HECW2: variants seen among roughly 807,000 people sequenced by gnomAD.
The protein encoded by HECW2 is E3 ubiquitin-protein ligase HECW2.
A neutral mutation model predicts 175.2 loss-of-function variants in HECW2; 61 were observed. The observed-to-expected ratio is 0.35, with a 90% confidence interval of 0.28 to 0.43. HECW2 has a LOEUF of 0.43. Among genes scored for constraint, HECW2 ranks in the 20% least tolerant of loss-of-function variants. The pLI, the probability that HECW2 is intolerant of heterozygous loss-of-function variation, is 1.00. For missense variants in HECW2, 1,524 were observed against 2,000.5 expected, an observed-to-expected ratio of 0.76 and a Z score of 4.54; for synonymous variants, 671 against 731.0, an observed-to-expected ratio of 0.92 and a Z score of 1.32.
chr2:196,423,976 T>A (rs1172622942), intron 2 of HECW2, among the ~76,000 whole-genome samples: 1 of 152,088 alleles, frequency 6.6e-6, no homozygotes, highest in Non-Finnish European at 1.5e-5. Context: ...ATAATGTGTT[T>A]TTTTTACAAA....
chr2:196,553,691 C>T lies in HECW2; in HGVS notation c.-36+39817G>A, dbSNP rs190366951. Among the ~76,000 whole-genome samples the T allele has an allele frequency of 1.5e-4, 23 of 152,280 alleles. No individual in the cohort carries two copies. In the East Asian group the frequency reaches 2.1e-3, roughly 14 times the overall value. On this transcript the variant is annotated intron_variant, in intron 1 of 28. Coordinates refer to ENST00000644978, the MANE Select transcript of HECW2 (RefSeq NM_001348768.2). ...TGCATTTAAACTCTGATTTGCGGAA[C>T]AACAGTCTGTAGAAGTCTTCAGGCC...
chr2:196,324,857 C>T (rs2105776781), intron 6 of HECW2, 123 bp downstream of exon 6: 1 of 688,856 alleles, frequency 1.5e-6, no homozygotes. Context: ...TCATTGTACC[C>T]CTTCCCAGCA....
At chr2:196,590,255 G>A (rs926895517) in intron 1 of HECW2, among the ~76,000 whole-genome samples, 1 of 152,062 alleles carries the variant, frequency 6.6e-6, no homozygotes, top group African/African-American at 2.4e-5. Flanking sequence ...AGCAAAGCAG[G>A]GCATCTCGTC....
intron 2 of HECW2, among the ~76,000 whole-genome samples, chr2:196,426,054 G>C (rs1451916096): frequency 6.6e-6 from 1 of 152,108 alleles, no homozygotes; most frequent in Non-Finnish European, 1.5e-5. Flanking sequence ...ATGGAGGCAA[G>C]ACACTCCACC....
In HECW2 at chr2:196,464,808, G is replaced by A. The variant is rs577815316; in HGVS notation, c.-35-31350C>T. ...TGTAATCCCAGCACTTTGGGAGGCC[G>A]AGGTGGGCGGATCACGAGGTCAGGA... On this transcript the variant is annotated intron_variant, in intron 1 of 28. Coordinates refer to ENST00000644978, the MANE Select transcript of HECW2 (RefSeq NM_001348768.2). Among the ~76,000 whole-genome samples, 35 of 152,278 alleles carry A rather than the reference G, an allele frequency of 2.3e-4. No homozygotes were observed. In the South Asian group the frequency reaches 6.4e-3, roughly 28 times the overall value.
rs746421017 is a variant in HECW2, at chr2:196,201,370, G to A, written c.4626C>T (p.Asn1542=). The A allele has an allele frequency of 5.0e-6, 8 of 1,612,946 alleles. No individual in the cohort carries two copies. The highest frequency in any genetic ancestry group is 6.8e-6 in the Non-Finnish European group (8 of 1,179,018). ...ATGGGTAGGGAGGCAGATCCAGACG[G>A]TTAAAACATGTATGCGCTCTGAAAA... ...TALPRAHTCF[N]RLDLPPYPSF... The change falls in exon 29 of 29, where the codon AAC becomes AAT. Residue 1542 remains asparagine (N), a synonymous_variant. Transcript: ENST00000644978.
chr2:196,373,467 G>A (rs574922848), intron 2 of HECW2, among the ~76,000 whole-genome samples: 23 of 152,264 alleles, frequency 1.5e-4, no homozygotes, highest in Non-Finnish European at 2.2e-4. Flanking sequence ...CATCCAAAAT[G>A]TCCTTCCTGG....
chr2:196,286,117 T>G (rs1221819115), intron 14 of HECW2, among the ~76,000 whole-genome samples: 1 of 152,144 alleles, frequency 6.6e-6, no homozygotes, highest in Admixed American at 6.5e-5. Context: ...ACTGTAATTT[T>G]AAGGAATTCT....
chr2:196,229,789 A>G (rs1687983669), intron 21 of HECW2, among the ~76,000 whole-genome samples: 1 of 152,244 alleles, frequency 6.6e-6, no homozygotes, highest in Non-Finnish European at 1.5e-5. Context: ...TATATGTACC[A>G]TTATTAATAT....
intron 1 of HECW2, among the ~76,000 whole-genome samples, chr2:196,466,533 A>T (rs1199249509): frequency 6.6e-6 from 1 of 152,234 alleles, no homozygotes; most frequent in Non-Finnish European, 1.5e-5. Context: ...AAATATTCAC[A>T]GGGAAGAGAC....
At chr2:196,280,715 A>C (rs1406981040) in intron 14 of HECW2, among the ~76,000 whole-genome samples, 1 of 152,210 alleles carries the variant, frequency 6.6e-6, no homozygotes, top group Non-Finnish European at 1.5e-5. Context: ...TTGCATTGAC[A>C]GGTTCTGACC....
At chr2:196,278,721 A>G in intron 14 of HECW2, 59 bp from the exon 15 acceptor site, 1 of 1,582,858 alleles carries the variant, frequency 6.3e-7, no homozygotes, top group Non-Finnish European at 8.7e-7. Flanking sequence ...CTGACTTATA[A>G]CATCAGACGG....
chr2:196,460,534 G>A (rs1355704914), intron 1 of HECW2, among the ~76,000 whole-genome samples: 1 of 150,476 alleles, frequency 6.6e-6, no homozygotes, highest in Non-Finnish European at 1.5e-5. Flanking sequence ...CTTTTAAAGA[G>A]CAGAGAACAT....
chr2:196,332,286 C>G (rs921385862), intron 4 of HECW2, among the ~76,000 whole-genome samples: 1 of 152,122 alleles, frequency 6.6e-6, no homozygotes, highest in African/African-American at 2.4e-5. Flanking sequence ...TAATCAGTCA[C>G]ATAACTAAAC....
intron 21 of HECW2, among the ~76,000 whole-genome samples, chr2:196,233,062 G>A (rs2092673478): frequency 1.3e-5 from 2 of 152,156 alleles, no homozygotes; most frequent in African/African-American, 4.8e-5. Context: ...TCACAGCAGG[G>A]TACATCATGC....
intron 1 of HECW2, among the ~76,000 whole-genome samples, chr2:196,551,975 A>G (rs891740493): frequency 8.5e-5 from 13 of 152,142 alleles, no homozygotes; most frequent in African/African-American, 3.1e-4. Flanking sequence ...CTCAGCCTTC[A>G]TGACAACATA....
intron 3 of HECW2, among the ~76,000 whole-genome samples, chr2:196,338,094 A>G (rs1018811845): frequency 6.6e-6 from 1 of 152,054 alleles, no homozygotes; most frequent in Non-Finnish European, 1.5e-5. Flanking sequence ...CCCCTCTACC[A>G]TGGGTTGGAG....
intron 1 of HECW2, chr2:196,493,344 G>A (rs1407397609): frequency 6.6e-6 from 1 of 152,072 alleles, no homozygotes; most frequent in Non-Finnish European, 1.5e-5. Flanking sequence ...CTCCAGATTG[G>A]GCAACAGGCT....
At chr2:196,486,619 A>G (rs1687017732) in intron 1 of HECW2, among the ~76,000 whole-genome samples, 2 of 152,160 alleles carry the variant, frequency 1.3e-5, no homozygotes, top group South Asian at 4.1e-4. Flanking sequence ...CAGAAATGGG[A>G]AGAAGACACA....
Sources: allele counts gnomAD v4.1 joint callset (sites outside exome capture counted in the v4.1 genomes callset), GRCh38; gene constraint gnomAD v4.1.1; transcripts MANE v1.5; gene names NCBI Gene and HGNC (gene_info 2026-07-23, HGNC 2026-07-21).